The following HADH variants were observed in gnomAD, a reference collection of about 807,000 sequenced individuals.
The protein encoded by HADH is hydroxyacyl-CoA dehydrogenase.
A neutral mutation model predicts 32.2 loss-of-function variants in HADH; 24 were observed. The ratio of observed to expected loss-of-function variants is 0.75; its 90% CI spans 0.54 to 1.05. The LOEUF is 1.05. HADH is among the 50% of genes least tolerant of loss of function. The pLI is 0.00. For missense variants in HADH, 350 were observed against 397.1 expected, an observed-to-expected ratio of 0.88 and a Z score of 1.01; for synonymous variants, 139 against 152.5, an observed-to-expected ratio of 0.91 and a Z score of 0.65.
chr4:107,990,113 G>A (rs1183347691), intron 1 of HADH, 49 bp downstream of exon 1: 1 of 1,566,964 alleles, frequency 6.4e-7, no homozygotes, highest in Non-Finnish European at 8.6e-7. Context: ...CGCCCACCCT[G>A]AGGTGGAAGC....
intron 2 of HADH, among the ~76,000 whole-genome samples, chr4:108,011,996 A>G (rs1000447592): frequency 3.3e-5 from 5 of 152,036 alleles, no homozygotes; most frequent in East Asian, 1.9e-4. Context: ...GGCTCAAGCC[A>G]TTCTCTCACC....
intron 1 of HADH, among the ~76,000 whole-genome samples, chr4:108,009,132 G>T (rs549681867): frequency 6.6e-6 from 1 of 152,264 alleles, no homozygotes; most frequent in African/African-American, 2.4e-5. Context: ...ATAGCCCTTG[G>T]GGACAGGAGT....
Position 108,009,847 on chromosome 4 carries a change from T to G in HADH, c.221T>G (p.Leu74Arg). The G allele has an allele frequency of 1.2e-6, 2 of 1,611,644 alleles. No individual in the cohort carries two copies. The highest frequency in any genetic ancestry group is 1.7e-6 in the Non-Finnish European group (2 of 1,177,686). ...AKSKKGIEES[L>R]RKVAKKKFAE... ...TCCAAAAAGGGAATTGAGGAAAGCC[T>G]TAGGAAAGTGGCAAAGAAGAAGTTT... Residue 74 changes from leucine (L) to arginine (R), a missense_variant, in exon 2 of 8, where the codon CTT (leucine) becomes CGT (arginine). Leu to Arg is a moderately radical substitution (Grantham distance 102). Transcript: ENST00000309522.
intron 6 of HADH, chr4:108,032,352 C>T: frequency 6.2e-7 from 1 of 1,601,558 alleles, no homozygotes. Context: ...GTGATTCTAA[C>T]TCGGGTTTGG....
At chr4:108,032,618 C>A in intron 6 of HADH, 1 of 428,180 alleles carries the variant, frequency 2.3e-6, no homozygotes, top group Admixed American at 3.4e-5. Flanking sequence ...GCTGAAGTTT[C>A]AGGCATGGAG....
At position 108,033,284 on chromosome 4, in the gene HADH, T is replaced by C. The variant is rs897045156; in HGVS notation, c.818T>C (p.Ile273Thr). Residue 273 changes from isoleucine to threonine, a missense_variant, in exon 7 of 8, where the codon ATC becomes ACC. Coordinates refer to ENST00000309522, the MANE Select transcript of HADH (RefSeq NM_005327.7). The stretch of plus-strand genomic sequence containing the variant: ...GTCGGACTGGATACTACGAAGTTCA[T>C]CGTGGATGGTAGGAATTGGAATTTT... The part of the protein sequence containing the change: ...DYVGLDTTKF[I>T]VDGWHEMDAE... 1.3e-6 allele frequency: 2 copies of C among 1,505,934 alleles called. No individual in the cohort carries two copies. Among genetic ancestry groups the C allele is most frequent in the East Asian group, 4.5e-5 (2 of 44,392 alleles). The allele number at this position is 1,505,934 out of a possible 1,614,324, so 93.3% of individuals were successfully genotyped here. A position where few individuals can be genotyped will look rare whatever the true frequency, so the allele number is the denominator to read the frequency against.
At chr4:107,998,969 C>T (rs1279283785) in intron 1 of HADH, among the ~76,000 whole-genome samples, 1 of 152,166 alleles carries the variant, frequency 6.6e-6, no homozygotes, top group Admixed American at 6.5e-5. Flanking sequence ...GGGTTGTCTT[C>T]CTCCTCTCAA....
chr4:108,020,148 T>G (rs1408117790), intron 4 of HADH, among the ~76,000 whole-genome samples: 1 of 152,162 alleles, frequency 6.6e-6, no homozygotes, highest in Non-Finnish European at 1.5e-5. Context: ...ATGAGGTACA[T>G]CTCCTGTGCA....
chr4:108,020,841 C>T (rs779306988), intron 4 of HADH, among the ~76,000 whole-genome samples: 11 of 152,162 alleles, frequency 7.2e-5, no homozygotes, highest in African/African-American at 1.7e-4. Flanking sequence ...GAGTGTGTAT[C>T]GTCTGTTTTC....
intron 2 of HADH, 90 bp downstream of exon 2, chr4:108,009,977 C>CTTTTTTT (rs11388783): frequency 3.6e-5 from 20 of 552,094 alleles, no homozygotes; most frequent in South Asian, 6.6e-5. Flanking sequence ...TTCTTTCTTT[C>CTTTTTTT]TTTTTTTTTT....
At chr4:107,996,460 T>A (rs1054506340) in intron 1 of HADH, among the ~76,000 whole-genome samples, 1 of 152,164 alleles carries the variant, frequency 6.6e-6, no homozygotes, top group Non-Finnish European at 1.5e-5. Context: ...CCTACACACT[T>A]ACTGAATTAA....
intron 2 of HADH, among the ~76,000 whole-genome samples, chr4:108,013,579 C>G (rs1276885850): frequency 1.3e-5 from 2 of 152,076 alleles, no homozygotes; most frequent in African/African-American, 4.8e-5. Flanking sequence ...AGTTGACATA[C>G]TATGCTTATC....
At chr4:108,029,200 A>T (rs1022477998) in intron 6 of HADH, 10 of 292,112 alleles carry the variant, frequency 3.4e-5, no homozygotes, top group African/African-American at 2.2e-4. Context: ...CTCTCAGCCA[A>T]CACAGAGGAG....
chr4:108,007,438 A>G (rs973007047), intron 1 of HADH, among the ~76,000 whole-genome samples: 3 of 152,148 alleles, frequency 2.0e-5, no homozygotes, highest in African/African-American at 7.2e-5. Flanking sequence ...GTAGGTAGAG[A>G]TTGACTTCTG....
intron 3 of HADH, among the ~76,000 whole-genome samples, chr4:108,018,035 CCTG>C (rs2126231190): frequency 6.6e-6 from 1 of 152,302 alleles, no homozygotes; most frequent in Non-Finnish European, 1.5e-5. Flanking sequence ...ACTGGTGATA[CCTG>C]GAACTGGGCT....
chr4:108,034,667 T>A lies in HADH; in HGVS notation c.*310T>A, dbSNP rs1736400596. ...CATTTTTGTGAAGAATTGCCTAGAT[T>A]CCTTCTCTCATCAACGGGAAAGTAC... On this transcript the variant is annotated 3_prime_UTR_variant, in exon 8 of 8. Coordinates refer to ENST00000309522, the MANE Select transcript of HADH (RefSeq NM_005327.7). The A allele has an allele frequency of 2.7e-6, 1 of 365,312 alleles. No homozygotes were observed. The highest frequency in any genetic ancestry group is 2.1e-5 in the African/African-American group (1 of 46,992). The allele number at this position is 365,312 out of a possible 1,614,324, so 22.6% of individuals were successfully genotyped here.
At chr4:108,004,848 G>T in intron 1 of HADH, 1 of 1,535,936 alleles carries the variant, frequency 6.5e-7, no homozygotes, top group Non-Finnish European at 8.7e-7. Flanking sequence ...ATGACCCTGC[G>T]GAGATGTTAA....
At chr4:108,017,082 A>G (rs1578256722) in intron 3 of HADH, among the ~76,000 whole-genome samples, 1 of 152,166 alleles carries the variant, frequency 6.6e-6, no homozygotes, top group Non-Finnish European at 1.5e-5. Flanking sequence ...TTTGTTTTAG[A>G]TCACCACCAT....
intron 1 of HADH, among the ~76,000 whole-genome samples, chr4:108,008,262 C>G (rs3796987): frequency 0.83 from 125,636 of 152,072 alleles, 52,518 homozygotes; most frequent in East Asian, 0.97. Flanking sequence ...ATAATTCATT[C>G]CACGTTGCCC....
Sources: gnomAD v4.1 joint callset for allele counts (sites outside exome capture counted in the v4.1 genomes callset) on GRCh38, gnomAD v4.1.1 for gene constraint, MANE v1.5 for transcripts, NCBI Gene and HGNC (gene_info 2026-07-23, HGNC 2026-07-21) for gene names.